Variants in HORMAD2 observed in about 807,000 individuals in gnomAD.
The protein encoded by HORMAD2 is HORMA domain containing 2, also known as HORMA domain-containing protein 2.
Under a neutral mutation model 38.8 loss-of-function variants are expected in HORMAD2, and 45 were observed. The observed-to-expected ratio is 1.16, with a 90% confidence interval of 0.91 to 1.49. The LOEUF is 1.49. HORMAD2 is among the 40% of genes most tolerant of loss of function. HORMAD2 has a pLI of 0.00. For missense variants in HORMAD2, 338 were observed against 367.0 expected, an observed-to-expected ratio of 0.92 and a Z score of 0.65; for synonymous variants, 126 against 122.8, an observed-to-expected ratio of 1.03 and a Z score of -0.17.
intron 10 of HORMAD2, among the ~76,000 whole-genome samples, chr22:30,173,036 A>C (rs1411894320): frequency 2.0e-5 from 3 of 152,198 alleles, no homozygotes; most frequent in Non-Finnish European, 2.9e-5. Context: ...CCCAGCAGGC[A>C]GAAGAAACTA....
Position 30,176,745 on chromosome 22 carries a change from C to A in HORMAD2, c.*578C>A, listed in dbSNP as rs1926481195. The A allele has an allele frequency of 6.5e-6, 1 of 152,840 alleles. No homozygotes were observed. Among genetic ancestry groups the A allele is most frequent in the Non-Finnish European group, 1.5e-5 (1 of 68,114 alleles). The allele number at this position is 152,840 out of a possible 1,614,324, so 9.5% of individuals were successfully genotyped here. ...CCCAGGCCCTGTTCTGTTATCCAATCCGAAACACGGAACATGCTGCAATTC... is the reference window on the plus strand; with the variant it reads ...CCCAGGCCCTGTTCTGTTATCCAATACGAAACACGGAACATGCTGCAATTC... On this transcript the variant is annotated 3_prime_UTR_variant, in exon 11 of 11. Coordinates refer to ENST00000336726, the MANE Select transcript of HORMAD2 (RefSeq NM_152510.4).
At chr22:30,083,842 T>G (rs2068525944) in intron 1 of HORMAD2, among the ~76,000 whole-genome samples, 1 of 152,156 alleles carries the variant, frequency 6.6e-6, no homozygotes, top group East Asian at 1.9e-4. Flanking sequence ...TTTGCCTTCC[T>G]GAAGCAAGCT....
chr22:30,081,281 C>T lies in HORMAD2; in HGVS notation c.-38+790C>T, dbSNP rs576897408. 10 of 152,258 alleles carry T rather than the reference C, an allele frequency of 6.6e-5. 1 individual carries two copies. In the South Asian group the frequency reaches 8.3e-4, roughly 13 times the overall value. 9.4% of individuals were successfully genotyped at this position (152,258 alleles called of 1,614,324 possible). ...GAGGTAGGAACAGTATTTTACATCT[C>T]GTAATCCTGCATGTTGTTGCCTGGC... On this transcript the variant is annotated intron_variant, in intron 1 of 10. Transcript: ENST00000336726.
At chr22:30,099,120 G>T in intron 3 of HORMAD2, 127 bp downstream of exon 3, 1 of 712,914 alleles carries the variant, frequency 1.4e-6, no homozygotes, top group African/African-American at 1.8e-5. Flanking sequence ...AGACCAATTT[G>T]CTAATCCATT....
the HORMAD2 span, among the ~76,000 whole-genome samples, chr22:30,188,524 GC>G: frequency 3.3e-5 from 5 of 152,352 alleles, no homozygotes; most frequent in African/African-American, 4.8e-5. Flanking sequence ...TTTTCAAAGG[GC>G]CCTCTCTGGG....
chr22:30,101,327 A>T (rs896678960), intron 3 of HORMAD2, among the ~76,000 whole-genome samples: 3 of 152,050 alleles, frequency 2.0e-5, no homozygotes, highest in African/African-American at 7.2e-5. Flanking sequence ...GCAAACTAAC[A>T]CAGGAACAGA....
chr22:30,156,199 G>A lies in HORMAD2; in HGVS notation c.820-19864G>A, dbSNP rs189759302. 1.2e-3 allele frequency among the ~76,000 whole-genome samples: 184 copies of A among 152,298 alleles called. 2 individuals are homozygous for A. The highest frequency in any genetic ancestry group is 4.3e-3 in the African/African-American group (177 of 41,564). ...TCTGCCCCACCTGACATTGGCTTTA[G>A]GATTGAGCTGTTTCTCAAGAATTGG... On this transcript the variant is annotated intron_variant, in intron 10 of 10. Coordinates refer to ENST00000336726, the MANE Select transcript of HORMAD2 (RefSeq NM_152510.4).
the HORMAD2 span, among the ~76,000 whole-genome samples, chr22:30,192,548 T>C: frequency 5.3e-5 from 8 of 152,266 alleles, no homozygotes; most frequent in Middle Eastern, 6.8e-3. Context: ...TTGCAAACAC[T>C]TATGCGAAAA....
intron 10 of HORMAD2, among the ~76,000 whole-genome samples, chr22:30,123,937 T>C (rs1260688344): frequency 6.6e-6 from 1 of 151,948 alleles, no homozygotes; most frequent in African/African-American, 2.4e-5. Context: ...CTCAAAGTGC[T>C]AGGATTACAC....
intron 5 of HORMAD2, among the ~76,000 whole-genome samples, chr22:30,109,915 T>C (rs1473287799): frequency 6.6e-6 from 1 of 152,180 alleles, no homozygotes; most frequent in Non-Finnish European, 1.5e-5. Flanking sequence ...ATAGTTATCT[T>C]TTTTGTGTCC....
At position 30,081,928 on chromosome 22, in the gene HORMAD2, A is replaced by G. The variant is rs1028946199; in HGVS notation, c.-38+1437A>G. On this transcript the variant is annotated intron_variant, in intron 1 of 10. Coordinates refer to ENST00000336726, the MANE Select transcript of HORMAD2 (RefSeq NM_152510.4). Reference sequence around the variant, plus strand: ...ATGTTTAGGTTTAAATCCATGATCCATTTTGCATTAATATTTGTATACAGT... The same window carrying G: ...ATGTTTAGGTTTAAATCCATGATCCGTTTTGCATTAATATTTGTATACAGT... Among the ~76,000 whole-genome samples the G allele has an allele frequency of 4.6e-5, 7 of 151,902 alleles. No individual in the cohort carries two copies. In the East Asian group the frequency reaches 1.4e-3, roughly 29 times the overall value.
the HORMAD2 span, among the ~76,000 whole-genome samples, chr22:30,202,527 T>G: frequency 0.22 from 32,936 of 151,702 alleles, 5,247 homozygotes; most frequent in African/African-American, 0.44. Context: ...ACACCATCAC[T>G]CATGTCCAAC....
At chr22:30,177,841 G>A (rs375566494), downstream of HORMAD2, among the ~76,000 whole-genome samples, 1 of 150,334 alleles carries the variant, frequency 6.7e-6, no homozygotes, top group South Asian at 2.1e-4. Flanking sequence ...CACCATGCCT[G>A]GCTAATTTTT....
intron 10 of HORMAD2, among the ~76,000 whole-genome samples, chr22:30,173,831 G>A (rs1454422774): frequency 6.6e-6 from 1 of 152,174 alleles, no homozygotes; most frequent in Non-Finnish European, 1.5e-5. Flanking sequence ...CAAGTAACAA[G>A]CATTTTTAAA....
chr22:30,104,929 G>A (rs1025756191), intron 5 of HORMAD2, among the ~76,000 whole-genome samples: 4 of 152,164 alleles, frequency 2.6e-5, no homozygotes, highest in African/African-American at 7.2e-5. Context: ...TAAATTTTAA[G>A]TGCATCTGAT....
At chr22:30,175,282 TAATATAGA>T (rs1569123190) in intron 10 of HORMAD2, among the ~76,000 whole-genome samples, 15 of 142,106 alleles carry the variant, frequency 1.1e-4, no homozygotes, top group African/African-American at 3.7e-4. Context: ...ATATATAATA[TAATATAGA>T]ATATATATAA....
At chr22:30,183,237 T>C in the HORMAD2 span, among the ~76,000 whole-genome samples, 5 of 152,250 alleles carry the variant, frequency 3.3e-5, no homozygotes, top group African/African-American at 1.2e-4. Context: ...TGGACTAGTA[T>C]ATTAAATGGG....
the HORMAD2 span, among the ~76,000 whole-genome samples, chr22:30,203,586 C>T: frequency 6.6e-6 from 1 of 152,126 alleles, no homozygotes; most frequent in African/African-American, 2.4e-5. Flanking sequence ...CATACAACAG[C>T]ACACATACAT....
the HORMAD2 span, chr22:30,184,553 T>C: frequency 6.6e-6 from 1 of 152,128 alleles, no homozygotes; most frequent in African/African-American, 2.4e-5. Flanking sequence ...TATTTTAATG[T>C]TTTGGTTTTT....
Sources: gnomAD v4.1 joint callset for allele counts (sites outside exome capture counted in the v4.1 genomes callset) on GRCh38, gnomAD v4.1.1 for gene constraint, MANE v1.5 for transcripts, NCBI Gene and HGNC (gene_info 2026-07-23, HGNC 2026-07-21) for gene names.